Variants in C1QTNF4 observed in about 807,000 individuals in gnomAD.
C1QTNF4 encodes the protein C1q and TNF related 4.
Under a neutral mutation model 14.6 loss-of-function variants are expected in C1QTNF4, and 12 were observed. That is an observed-to-expected ratio of 0.82 (90% confidence interval 0.53 to 1.33). The LOEUF is 1.33. Ranked by LOEUF, C1QTNF4 falls within the 40% of genes most tolerant of loss-of-function variation. The pLI, the probability that C1QTNF4 is intolerant of heterozygous loss-of-function variation, is 0.00. For missense variants in C1QTNF4, 558 were observed against 500.3 expected (o/e 1.12, Z -1.10); for synonymous variants, 278 against 246.6 (o/e 1.13, Z -1.19).
chr11:47,590,584 T>G lies in C1QTNF4; in HGVS notation c.227A>C (p.Tyr76Ser). The G allele has an allele frequency of 6.2e-7, 1 of 1,604,530 alleles. No homozygotes were observed. The highest frequency in any genetic ancestry group is 8.5e-7 in the Non-Finnish European group (1 of 1,176,488). Residue 76 changes from tyrosine to serine, a missense_variant, in exon 2 of 2, where the codon TAC (tyrosine) becomes TCC (serine). By Grantham distance (144) the Tyr-to-Ser change is moderately radical (BLOSUM62 -2). Coordinates refer to ENST00000302514, the MANE Select transcript of C1QTNF4 (RefSeq NM_031909.3). ...CTTGCCAGCCGTGAAGGAGAAGAAG[T>G]AGGCGCCGGGCACGCGGCAGCGAAA... Reference protein sequence around the residue: ...GQFRCRVPGAYFFSFTAGKAP... With the variant: ...GQFRCRVPGASFFSFTAGKAP...
At chr11:47,592,208 G>A (rs1169517268) in intron 1 of C1QTNF4, among the ~76,000 whole-genome samples, 1 of 152,236 alleles carries the variant, frequency 6.6e-6, no homozygotes, top group Non-Finnish European at 1.5e-5. Flanking sequence ...GCTTTGGCAA[G>A]GCTGTGAAGT....
intron 1 of C1QTNF4, among the ~76,000 whole-genome samples, chr11:47,591,034 T>G (rs549173865): frequency 6.6e-6 from 1 of 152,262 alleles, no homozygotes; most frequent in South Asian, 2.1e-4. Context: ...ATCACCAGAG[T>G]TCATTCAGTA....
At chr11:47,592,744 A>G (rs887717379) in intron 1 of C1QTNF4, among the ~76,000 whole-genome samples, 11 of 152,120 alleles carry the variant, frequency 7.2e-5, no homozygotes, top group African/African-American at 2.7e-4. Context: ...TCTCTTAGAG[A>G]CAGCAGGGAC....
rs759933879 is a variant in C1QTNF4 at position 47,590,761 on chromosome 11, A to AGGGCCCAGCAGGCCGCT, written c.33_49dup (p.Leu17GlnfsTer38). 2.5e-6 allele frequency: 4 copies of AGGGCCCAGCAGGCCGCT among 1,571,928 alleles called. No homozygotes were observed. The highest frequency in any genetic ancestry group is 2.3e-5 in the South Asian group (2 of 87,066). On this transcript the variant is annotated frameshift_variant, in exon 2 of 2. Transcript: ENST00000302514. LOFTEE classifies it high-confidence loss of function. ...GGATCCCGGGCCGGGGGTCGGGCCC[A>AGGGCCCAGCAGGCCGCT]GGGCCCAGCAGGCCGCTGGGCCCAG...
rs200635776 is a variant in C1QTNF4, at chr11:47,590,031, G to A, written c.780C>T (p.Asp260=). Reference sequence around the variant, plus strand: ...TCTCGCGGCGCCGCGACGCGCCGTCGTCGTAAATCATGGCCTGCACCTCGT... The same window carrying A: ...TCTCGCGGCGCCGCGACGCGCCGTCATCGTAAATCATGGCCTGCACCTCGT... ...NRDEVQAMIY[D]DGASRRREMQ... The change falls in exon 2 of 2, where the codon GAC becomes GAT. Residue 260 remains aspartate (D), a synonymous_variant. Coordinates refer to ENST00000302514, the MANE Select transcript of C1QTNF4 (RefSeq NM_031909.3). 2.5e-6 allele frequency: 4 copies of A among 1,612,312 alleles called. No homozygotes were observed. The highest frequency in any genetic ancestry group is 3.3e-5 in the Admixed American group (2 of 59,926).
chr11:47,592,799 C>T, intron 1 of C1QTNF4, among the ~76,000 whole-genome samples: 1 of 151,844 alleles, frequency 6.6e-6, no homozygotes, highest in East Asian at 1.9e-4. Context: ...AACGTCCCAG[C>T]TAGAATCTAG....
chr11:47,594,507 A>G (rs2097277227), upstream of C1QTNF4: 1 of 152,522 alleles, frequency 6.6e-6, no homozygotes, highest in Admixed American at 6.5e-5. Context: ...TGCGCCGAGC[A>G]CTGGACCCTT....
chr11:47,589,868 G>T lies in C1QTNF4; in HGVS notation c.943C>A (p.Leu315Ile), dbSNP rs899495977. The change falls in exon 2 of 2, where the codon CTC becomes ATC. Residue 315 changes from leucine (L) to isoleucine (I), a missense_variant. Leu to Ile is a conservative substitution (Grantham distance 5). Coordinates refer to ENST00000302514, the MANE Select transcript of C1QTNF4 (RefSeq NM_031909.3). ...AGGCCCGGCGGGGCGGCGGGGGCGA[G>T]GTCGGGGTACACCAGGAAGCCGGAG... Reference protein sequence around the residue: ...TFSGFLVYPDLAPAAPPGLGA... With the variant: ...TFSGFLVYPDIAPAAPPGLGA... 7.1e-6 allele frequency: 11 copies of T among 1,553,330 alleles called. No individual in the cohort carries two copies. The highest frequency in any genetic ancestry group is 3.9e-5 in the Admixed American group (2 of 51,154).
chr11:47,590,581 A>G lies in C1QTNF4; in HGVS notation c.230T>C (p.Phe77Ser). ...GGCCTTGCCAGCCGTGAAGGAGAAGAAGTAGGCGCCGGGCACGCGGCAGCG... is the reference window on the plus strand; with the variant it reads ...GGCCTTGCCAGCCGTGAAGGAGAAGGAGTAGGCGCCGGGCACGCGGCAGCG... ...QFRCRVPGAY[F>S]FSFTAGKAPH... is the part of the protein sequence containing the mutation. Residue 77 changes from phenylalanine to serine, a missense_variant, in exon 2 of 2, where the codon TTC becomes TCC. Phe to Ser is a radical substitution (Grantham distance 155, BLOSUM62 -2). Transcript: ENST00000302514. 1 of 1,605,512 alleles carries G rather than the reference A, an allele frequency of 6.2e-7. No homozygotes were observed. Among genetic ancestry groups the G allele is most frequent in the Non-Finnish European group, 8.5e-7 (1 of 1,176,800 alleles).
rs1598812365 is a variant in C1QTNF4, at chr11:47,590,368, C to T, written c.443G>A (p.Gly148Asp). The change falls in exon 2 of 2, where the codon GGC (glycine) becomes GAC (aspartate). Residue 148 changes from glycine (G) to aspartate (D), a missense_variant. Gly to Asp is a moderately conservative substitution (Grantham distance 94). Coordinates refer to ENST00000302514, the MANE Select transcript of C1QTNF4 (RefSeq NM_031909.3). Reference sequence around the variant, plus strand: ...GACTAGGTAGCCGCTGAAGGTGGCGCCGGGCGCGCCTAGCGCGTACTGCGG... The same window carrying T: ...GACTAGGTAGCCGCTGAAGGTGGCGTCGGGCGCGCCTAGCGCGTACTGCGG... ...GAPQYALGAP[G>D]ATFSGYLVYA... 8 of 1,382,534 alleles carry T rather than the reference C, an allele frequency of 5.8e-6. No individual in the cohort carries two copies. Among genetic ancestry groups the T allele is most frequent in the Non-Finnish European group, 6.5e-6 (7 of 1,077,398 alleles). The allele number at this position is 1,382,534 out of a possible 1,614,324, so 85.6% of individuals were successfully genotyped here.
Position 47,590,488 on chromosome 11 carries a change from T to A in C1QTNF4, c.323A>T (p.Glu108Val). 7.1e-6 allele frequency: 11 copies of A among 1,546,996 alleles called. No homozygotes were observed. Among genetic ancestry groups the A allele is most frequent in the Non-Finnish European group, 9.6e-6 (11 of 1,148,100 alleles). ...GCGCCGCGCGCCTGGCCGCCGCTGC[T>A]CGTCGAAGGCCAGCGCCTGCACCTC... ...RDEVQALAFDEQRRPGARRAA... is the reference protein window; with the variant it reads ...RDEVQALAFDVQRRPGARRAA... Residue 108 changes from glutamate to valine, a missense_variant, in exon 2 of 2, where the codon GAG becomes GTG. Transcript: ENST00000302514.
intron 1 of C1QTNF4, among the ~76,000 whole-genome samples, chr11:47,592,645 G>A (rs1375001790): frequency 6.6e-6 from 1 of 152,184 alleles, no homozygotes; most frequent in African/African-American, 2.4e-5. Context: ...CAAAAGCCCT[G>A]ATGTGGAAAC....
At position 47,590,058 on chromosome 11, in the gene C1QTNF4, G is replaced by A. The variant is rs1432372692; in HGVS notation, c.753C>T (p.Arg251=). Residue 251 remains arginine (R), a synonymous_variant, in exon 2 of 2, where the codon CGC becomes CGT. Coordinates refer to ENST00000302514, the MANE Select transcript of C1QTNF4 (RefSeq NM_031909.3). The stretch of plus-strand genomic sequence containing the variant: ...CGTAAATCATGGCCTGCACCTCGTC[G>A]CGGTTCTTCATCAGCTTAACCGACA... ...KTLSVKLMKN[R]DEVQAMIYDD... 4.3e-6 allele frequency: 7 copies of A among 1,612,794 alleles called. No homozygotes were observed. Among genetic ancestry groups the A allele is most frequent in the African/African-American group, 2.7e-5 (2 of 74,982 alleles).
rs887342451 is a variant in C1QTNF4 at position 47,594,365 on chromosome 11, G to A, written c.-223C>T. 1 of 152,240 alleles carries A rather than the reference G, an allele frequency of 6.6e-6. No individual in the cohort carries two copies. Among genetic ancestry groups the A allele is most frequent in the Non-Finnish European group, 1.5e-5 (1 of 68,170 alleles). 9.4% of individuals were successfully genotyped at this position (152,240 alleles called of 1,614,324 possible). A position where few individuals can be genotyped will look rare whatever the true frequency, so the allele number is the denominator to read the frequency against. ...AGGGGCCGGGCGTGGGGAGGCGTGA[G>A]GGAAAGGGAAGGTCAGCTAGAGAGG... On this transcript the variant is annotated 5_prime_UTR_variant, in exon 1 of 2. Coordinates refer to ENST00000302514, the MANE Select transcript of C1QTNF4 (RefSeq NM_031909.3).
rs768442671 is a variant in C1QTNF4, at chr11:47,590,044, G to A, written c.767C>T (p.Ala256Val). 3.7e-6 allele frequency: 6 copies of A among 1,612,650 alleles called. No individual in the cohort carries two copies. The highest frequency in any genetic ancestry group is 5.1e-6 in the Non-Finnish European group (6 of 1,179,172). ...KLMKNRDEVQAMIYDDGASRR... is the reference protein window; with the variant it reads ...KLMKNRDEVQVMIYDDGASRR... ...CGACGCGCCGTCGTCGTAAATCATG[G>A]CCTGCACCTCGTCGCGGTTCTTCAT... The change falls in exon 2 of 2, where the codon GCC becomes GTC. Residue 256 changes from alanine (A) to valine (V), a missense_variant. Coordinates refer to ENST00000302514, the MANE Select transcript of C1QTNF4 (RefSeq NM_031909.3).
In C1QTNF4 at chr11:47,594,236, C is replaced by G. The variant is rs1036096293; in HGVS notation, c.-94G>C. ...GCTGCGGGCTGCAGGCTGCAGGCTG[C>G]GGGTGCCGGGCTGCGCGCTGACCGC... On this transcript the variant is annotated 5_prime_UTR_variant, in exon 1 of 2. Coordinates refer to ENST00000302514, the MANE Select transcript of C1QTNF4 (RefSeq NM_031909.3). The G allele has an allele frequency of 6.6e-6, 1 of 151,982 alleles. No individual in the cohort carries two copies. The highest frequency in any genetic ancestry group is 2.4e-5 in the African/African-American group (1 of 41,380). The allele number at this position is 151,982 out of a possible 1,614,324, so 9.4% of individuals were successfully genotyped here.
intron 1 of C1QTNF4, among the ~76,000 whole-genome samples, chr11:47,591,757 C>G (rs569643217): frequency 6.6e-6 from 1 of 152,228 alleles, no homozygotes; most frequent in Non-Finnish European, 1.5e-5. Context: ...AGGCCTACAG[C>G]CCTGTCTGCT....
At chr11:47,592,639 A>G (rs897160997) in intron 1 of C1QTNF4, among the ~76,000 whole-genome samples, 1 of 152,176 alleles carries the variant, frequency 6.6e-6, no homozygotes, top group Non-Finnish European at 1.5e-5. Context: ...AATACCCAAA[A>G]GCCCTGATGT....
chr11:47,590,642 T>C lies in C1QTNF4; in HGVS notation c.169A>G (p.Ile57Val), dbSNP rs779933120. The C allele has an allele frequency of 1.9e-6, 3 of 1,611,388 alleles. No homozygotes were observed. Among genetic ancestry groups the C allele is most frequent in the Non-Finnish European group, 2.5e-6 (3 of 1,179,418 alleles). Residue 57 changes from isoleucine (I) to valine (V), a missense_variant, in exon 2 of 2, where the codon ATC (isoleucine) becomes GTC (valine). Transcript: ENST00000302514. ...GTGGCCACATCGAAGTCGCCCCCGA[T>C]GTTCACGTACACCTTGTCGAAGGTC... The part of the protein sequence containing the change: ...AVTFDKVYVN[I>V]GGDFDVATGQ...
Sources: gnomAD v4.1 joint callset for allele counts (sites outside exome capture counted in the v4.1 genomes callset) on GRCh38, gnomAD v4.1.1 for gene constraint, MANE v1.5 for transcripts, NCBI Gene and HGNC (gene_info 2026-07-23, HGNC 2026-07-21) for gene names.